SULT4A1: variants seen among roughly 807,000 people sequenced by gnomAD.
The protein encoded by SULT4A1 is sulfotransferase family 4A member 1, also known as sulfotransferase 4A1.
Under a neutral mutation model 35.2 loss-of-function variants are expected in SULT4A1, and 11 were observed. The observed-to-expected ratio is 0.31, with a 90% confidence interval of 0.20 to 0.52. The LOEUF (loss-of-function observed/expected upper bound fraction) is 0.52. Ranked by LOEUF, SULT4A1 falls within the 20% of genes least tolerant of loss-of-function variation. The pLI, the probability that SULT4A1 is intolerant of heterozygous loss-of-function variation, is 0.97. For synonymous variants in SULT4A1, 152 were observed against 151.8 expected (o/e 1.00, Z -0.01); for missense variants, 271 against 383.7 (o/e 0.71, Z 2.45).
chr22:43,859,946 A>G (rs937589588), intron 1 of SULT4A1, among the ~76,000 whole-genome samples: 6 of 152,238 alleles, frequency 3.9e-5, no homozygotes, highest in African/African-American at 1.2e-4. Flanking sequence ...TCTAAGCTAG[A>G]ATGTCGCAAG....
In SULT4A1 at chr22:43,824,544, C is replaced by G. The variant is rs1402305793; in HGVS notation, c.*1457G>C. Reference sequence around the variant, plus strand: ...TGTCTTTATTAAAGATGCAAGCAAGCACAGAAGGATCATGTGTAGTGCTCA... The same window carrying G: ...TGTCTTTATTAAAGATGCAAGCAAGGACAGAAGGATCATGTGTAGTGCTCA... On this transcript the variant is annotated 3_prime_UTR_variant, in exon 7 of 7. Coordinates refer to ENST00000330884, the MANE Select transcript of SULT4A1 (RefSeq NM_014351.4). The G allele has an allele frequency of 5.3e-5, 8 of 152,180 alleles. 1 individual carries two copies. The East Asian group carries it at 1.6e-3, about 30-fold the overall frequency. The allele number at this position is 152,180 out of a possible 1,614,324, so 9.4% of individuals were successfully genotyped here.
rs375314237 is a variant in SULT4A1 at position 43,862,264 on chromosome 22, T to C, written c.119A>G (p.Asn40Ser). 19 of 1,569,274 alleles carry C rather than the reference T, an allele frequency of 1.2e-5. No homozygotes were observed. Among genetic ancestry groups the C allele is most frequent in the African/African-American group, 4.2e-5 (3 of 71,036 alleles). ...FCRGKMEEIANFPVRPSDVWI... is the reference protein window; with the variant it reads ...FCRGKMEEIASFPVRPSDVWI... ...CACGTCGCTGGGCCGCACCGGGAAG[T>C]TGGCGATCTCCTCCATCTTCCCGCG... The change falls in exon 1 of 7, where the codon AAC becomes AGC. Residue 40 changes from asparagine to serine, a missense_variant. Transcript: ENST00000330884.
chr22:43,826,532 C>T (rs942775864), intron 6 of SULT4A1: 2 of 985,404 alleles, frequency 2.0e-6, no homozygotes, highest in Non-Finnish European at 2.4e-6. Flanking sequence ...CTGCTCTGGG[C>T]ATCACAGGCA....
intron 1 of SULT4A1, among the ~76,000 whole-genome samples, chr22:43,844,132 T>A (rs905992408): frequency 6.6e-6 from 1 of 152,174 alleles, no homozygotes; most frequent in South Asian, 2.1e-4. Context: ...GTGTTGACTC[T>A]TGTGTGAGAG....
intron 3 of SULT4A1, 70 bp downstream of exon 3, chr22:43,839,875 T>C: frequency 7.0e-7 from 1 of 1,424,380 alleles, no homozygotes; most frequent in Non-Finnish European, 9.7e-7. Flanking sequence ...CCTGCATGTG[T>C]ATTGCACAGG....
intron 4 of SULT4A1, among the ~76,000 whole-genome samples, chr22:43,834,302 G>A (rs1263505279): frequency 2.1e-5 from 3 of 146,148 alleles, no homozygotes; most frequent in East Asian, 2.0e-4. Flanking sequence ...TGCTTCCCGC[G>A]CCCCCACCGC....
intron 1 of SULT4A1, among the ~76,000 whole-genome samples, chr22:43,857,255 G>A (rs1414226804): frequency 6.6e-6 from 1 of 150,856 alleles, no homozygotes. Flanking sequence ...GAAAAAGAAA[G>A]AAGCCAGGTG....
chr22:43,859,048 C>G (rs989374466), intron 1 of SULT4A1, among the ~76,000 whole-genome samples: 1 of 152,114 alleles, frequency 6.6e-6, no homozygotes, highest in African/African-American at 2.4e-5. Flanking sequence ...TCTGGCTTCC[C>G]CCATGTCACT....
intron 6 of SULT4A1, chr22:43,826,522 C>T (rs935472238): frequency 7.1e-6 from 7 of 985,298 alleles, no homozygotes; most frequent in Non-Finnish European, 7.2e-6. Flanking sequence ...CGGGAGTGCA[C>T]TGCTCTGGGC....
At chr22:43,853,060 T>C (rs1304559509) in intron 1 of SULT4A1, among the ~76,000 whole-genome samples, 2 of 151,518 alleles carry the variant, frequency 1.3e-5, no homozygotes, top group Admixed American at 6.6e-5. Context: ...GCACACCACA[T>C]ACATAACACA....
intron 1 of SULT4A1, among the ~76,000 whole-genome samples, chr22:43,856,400 C>T (rs998676452): frequency 2.0e-5 from 3 of 152,106 alleles, no homozygotes; most frequent in Admixed American, 6.5e-5. Flanking sequence ...AACTCCTGCA[C>T]AAGAGTTACC....
At chr22:43,842,943 C>T (rs1414554677) in intron 1 of SULT4A1, among the ~76,000 whole-genome samples, 2 of 151,000 alleles carry the variant, frequency 1.3e-5, no homozygotes, top group African/African-American at 4.9e-5. Context: ...TTGGACCACT[C>T]CAGGCCTTAG....
At chr22:43,843,510 G>T (rs559402863) in intron 1 of SULT4A1, among the ~76,000 whole-genome samples, 1 of 152,234 alleles carries the variant, frequency 6.6e-6, no homozygotes, top group Non-Finnish European at 1.5e-5. Flanking sequence ...AAGGAATGTC[G>T]CACAGGCAGG....
chr22:43,832,436 A>C (rs2063331984), intron 5 of SULT4A1, among the ~76,000 whole-genome samples: 1 of 152,162 alleles, frequency 6.6e-6, no homozygotes, highest in Non-Finnish European at 1.5e-5. Flanking sequence ...TCCTTCCTGC[A>C]CATCGAGCAA....
intron 5 of SULT4A1, 41 bp from the exon 6 acceptor site, chr22:43,829,239 CG>C (rs1569502685): frequency 1.4e-6 from 2 of 1,475,818 alleles, no homozygotes; most frequent in East Asian, 2.6e-5. Context: ...CCATCAGAGG[CG>C]GGGCCTTTTA....
chr22:43,850,628 C>T (rs1045447149), intron 1 of SULT4A1, among the ~76,000 whole-genome samples: 3 of 152,172 alleles, frequency 2.0e-5, no homozygotes, highest in East Asian at 1.9e-4. Context: ...TCTGAGTGAA[C>T]GGCCTGGCAT....
At chr22:43,854,014 C>T (rs2049373918) in intron 1 of SULT4A1, among the ~76,000 whole-genome samples, 1 of 152,188 alleles carries the variant, frequency 6.6e-6, no homozygotes, top group South Asian at 2.1e-4. Context: ...GGAAAGGAGG[C>T]TCTGGTGTGC....
At chr22:43,856,946 A>G (rs2049408082) in intron 1 of SULT4A1, among the ~76,000 whole-genome samples, 1 of 152,218 alleles carries the variant, frequency 6.6e-6, no homozygotes, top group South Asian at 2.1e-4. Context: ...GCACACGCGC[A>G]CACACACAAA....
intron 1 of SULT4A1, among the ~76,000 whole-genome samples, chr22:43,850,022 G>A (rs530143874): frequency 6.6e-6 from 1 of 152,302 alleles, no homozygotes; most frequent in Non-Finnish European, 1.5e-5. Flanking sequence ...CCCTGCCAGT[G>A]CCAGAGCAGC....
Sources: gnomAD v4.1 joint callset for allele counts (sites outside exome capture counted in the v4.1 genomes callset) on GRCh38, gnomAD v4.1.1 for gene constraint, MANE v1.5 for transcripts, NCBI Gene and HGNC (gene_info 2026-07-23, HGNC 2026-07-21) for gene names.